ADARB2: variants seen among roughly 807,000 people sequenced by gnomAD.
ADARB2 encodes adenosine deaminase RNA specific B2 (inactive).
Under a neutral mutation model 62.2 loss-of-function variants are expected in ADARB2, and 25 were observed. That is an observed-to-expected ratio of 0.40 (90% CI 0.29 to 0.56). The LOEUF (loss-of-function observed/expected upper bound fraction) is 0.56. Among genes scored for constraint, ADARB2 ranks in the 20% least tolerant of loss-of-function variants. The pLI, the probability that ADARB2 is intolerant of heterozygous loss-of-function variation, is 0.43. For missense variants in ADARB2, 1,071 were observed against 1,077.4 expected (o/e 0.99, Z 0.08); for synonymous variants, 572 against 500.8 (o/e 1.14, Z -1.90).
intron 1 of ADARB2, among the ~76,000 whole-genome samples, chr10:1,435,136 G>A (rs965494546): frequency 6.6e-6 from 1 of 152,248 alleles, no homozygotes; most frequent in Non-Finnish European, 1.5e-5. Flanking sequence ...GCCCGAGGCC[G>A]GCTGTGCCTC....
At chr10:1,526,701 C>A (rs561761269) in intron 1 of ADARB2, 3 of 312,642 alleles carry the variant, frequency 9.6e-6, no homozygotes, top group Admixed American at 3.7e-5. Context: ...GCTGCACAAA[C>A]CTTTCTTCCT....
rs529014040 is a variant in ADARB2 at position 1,690,971 on chromosome 10, G to A, written c.100+46080C>T. 1.4e-4 allele frequency among the ~76,000 whole-genome samples: 22 copies of A among 152,220 alleles called. No individual in the cohort carries two copies. In the East Asian group the frequency reaches 1.7e-3, roughly 12 times the overall value. ...GCCCCTGCCTGCCTCTCAACCCCACGCTGTGCCCCTTTCCTTCTGGGTGCG... is the reference window on the plus strand; with the variant it reads ...GCCCCTGCCTGCCTCTCAACCCCACACTGTGCCCCTTTCCTTCTGGGTGCG... On this transcript the variant is annotated intron_variant, in intron 1 of 9. Transcript: ENST00000381312.
At chr10:1,229,951 C>T (rs979775138) in intron 6 of ADARB2, among the ~76,000 whole-genome samples, 5 of 152,124 alleles carry the variant, frequency 3.3e-5, no homozygotes, top group African/African-American at 9.7e-5. Context: ...GATGCACAAT[C>T]GCTCGATGCA....
At chr10:1,437,845 G>A (rs1054056972) in intron 1 of ADARB2, among the ~76,000 whole-genome samples, 15 of 152,308 alleles carry the variant, frequency 9.8e-5, no homozygotes, top group African/African-American at 3.6e-4. Context: ...GATATGGGAC[G>A]TGTAGGGCAG....
At chr10:1,471,833 G>C (rs138692348) in intron 1 of ADARB2, among the ~76,000 whole-genome samples, 2 of 152,282 alleles carry the variant, frequency 1.3e-5, no homozygotes, top group East Asian at 3.9e-4. Flanking sequence ...ATTTATGGCC[G>C]TGTACACATG....
intron 3 of ADARB2, among the ~76,000 whole-genome samples, chr10:1,306,302 A>T (rs1423405289): frequency 1.3e-5 from 2 of 152,022 alleles, no homozygotes; most frequent in Non-Finnish European, 2.9e-5. Flanking sequence ...GTGAACTCCC[A>T]TTCACAATTG....
Position 1,669,807 on chromosome 10 carries a change from AAC to A in ADARB2, c.100+67242_100+67243del, listed in dbSNP as rs565071130. Among the ~76,000 whole-genome samples, 8 of 151,442 alleles carry A rather than the reference AAC, an allele frequency of 5.3e-5. No homozygotes were observed. The South Asian group carries it at 1.7e-3, about 32-fold the overall frequency. On this transcript the variant is annotated intron_variant, in intron 1 of 9. Transcript: ENST00000381312. ...ACACACAGACACAGTCACAGAGACAAACACAGACACATAGACTCACAGACACA... is the reference window on the plus strand; with the variant it reads ...ACACACAGACACAGTCACAGAGACAAACAGACACATAGACTCACAGACACA...
intron 1 of ADARB2, among the ~76,000 whole-genome samples, chr10:1,669,338 G>C (rs1275135789): frequency 6.6e-6 from 1 of 152,190 alleles, no homozygotes; most frequent in African/African-American, 2.4e-5. Context: ...CCGAGGACTT[G>C]AAAGTCAGGC....
intron 4 of ADARB2, among the ~76,000 whole-genome samples, chr10:1,247,956 G>A (rs1831002026): frequency 6.6e-6 from 1 of 152,154 alleles, no homozygotes. Context: ...TGCTGGGATG[G>A]GGGTGAGGCC....
intron 4 of ADARB2, among the ~76,000 whole-genome samples, chr10:1,258,205 G>A (rs1285043283): frequency 3.3e-5 from 5 of 151,776 alleles, no homozygotes; most frequent in South Asian, 2.1e-4. Context: ...CATGGTTAAG[G>A]TAAATATAAG....
intron 1 of ADARB2, among the ~76,000 whole-genome samples, chr10:1,555,804 G>A (rs555086210): frequency 2.6e-5 from 4 of 152,202 alleles, no homozygotes; most frequent in Admixed American, 6.5e-5. Context: ...GTGTGATGGC[G>A]TGCGCCTGTA....
intron 1 of ADARB2, among the ~76,000 whole-genome samples, chr10:1,399,114 T>G (rs922371373): frequency 6.6e-6 from 1 of 152,134 alleles, no homozygotes; most frequent in Non-Finnish European, 1.5e-5. Flanking sequence ...GACTGGTTAT[T>G]TTGTCCATCT....
At chr10:1,193,436 G>T (rs1466391527) in intron 8 of ADARB2, among the ~76,000 whole-genome samples, 1 of 152,176 alleles carries the variant, frequency 6.6e-6, no homozygotes, top group Non-Finnish European at 1.5e-5. Flanking sequence ...AAAAGATATG[G>T]GACAAAGGGA....
chr10:1,189,397 G>A (rs890989369), intron 8 of ADARB2, among the ~76,000 whole-genome samples: 1 of 152,048 alleles, frequency 6.6e-6, no homozygotes, highest in Non-Finnish European at 1.5e-5. Flanking sequence ...AGGGTTGAAG[G>A]TGTTAGGGCT....
At chr10:1,691,731 G>T (rs976072275) in intron 1 of ADARB2, among the ~76,000 whole-genome samples, 1 of 152,116 alleles carries the variant, frequency 6.6e-6, no homozygotes, top group Non-Finnish European at 1.5e-5. Context: ...GCTTGCTCTG[G>T]TTCGTCCCGC....
intron 1 of ADARB2, among the ~76,000 whole-genome samples, chr10:1,568,650 A>G (rs893121444): frequency 6.6e-6 from 1 of 152,190 alleles, no homozygotes; most frequent in African/African-American, 2.4e-5. Context: ...AGGTCTTCAC[A>G]TGGAGTTAAA....
At chr10:1,611,520 G>T (rs895564479) in intron 1 of ADARB2, among the ~76,000 whole-genome samples, 5 of 152,144 alleles carry the variant, frequency 3.3e-5, no homozygotes, top group African/African-American at 1.2e-4. Flanking sequence ...TGCTGGGGAG[G>T]TGGGGGGTCT....
intron 1 of ADARB2, among the ~76,000 whole-genome samples, chr10:1,545,708 C>A (rs547578158): frequency 1.3e-5 from 2 of 152,302 alleles, no homozygotes; most frequent in Admixed American, 6.5e-5. Flanking sequence ...CCTATGGTGA[C>A]TGTGCTGCAC....
chr10:1,486,102 C>T (rs1010202688), intron 1 of ADARB2, among the ~76,000 whole-genome samples: 1 of 152,130 alleles, frequency 6.6e-6, no homozygotes, highest in African/African-American at 2.4e-5. Flanking sequence ...GCTACTCATT[C>T]ATCTTTGAGT....
Sources: allele counts gnomAD v4.1 joint callset (sites outside exome capture counted in the v4.1 genomes callset), GRCh38; gene constraint gnomAD v4.1.1; transcripts MANE v1.5; gene names NCBI Gene and HGNC (gene_info 2026-07-23, HGNC 2026-07-21).